The following DOCK7 variants were observed in gnomAD, a reference collection of about 807,000 sequenced individuals.
DOCK7 encodes the protein dedicator of cytokinesis 7, also known as dedicator of cytokinesis protein 7.
Under a neutral mutation model 271.0 loss-of-function variants are expected in DOCK7, and 138 were observed. The observed-to-expected ratio is 0.51, with a 90% CI of 0.44 to 0.59. The LOEUF (loss-of-function observed/expected upper bound fraction) is 0.59, where lower values mean the gene tolerates loss of function less well. DOCK7 is among the 20% of genes least tolerant of loss of function. The probability of loss-of-function intolerance (pLI) is 0.00; values close to 1 mark genes in which losing one functional copy is unlikely to be tolerated. For synonymous variants in DOCK7, 823 were observed against 876.1 expected (o/e 0.94, Z 1.07); for missense variants, 2,066 against 2,592.4 (o/e 0.80, Z 4.41).
At chr1:62,457,987 C>CA (rs929853398) in intron 48 of DOCK7, 2 of 263,744 alleles carry the variant, frequency 7.6e-6, no homozygotes, top group African/African-American at 4.4e-5. Context: ...CTCGTCTCTA[C>CA]AAAAAAATGC....
chr1:62,536,894 T>A (rs1017324578), intron 28 of DOCK7, among the ~76,000 whole-genome samples: 3 of 152,186 alleles, frequency 2.0e-5, no homozygotes, highest in Non-Finnish European at 2.9e-5. Context: ...AATCTCTTCA[T>A]CTCAATTTAT....
rs762041572 is a variant in DOCK7 at position 62,476,190 on chromosome 1, G to A, written c.5635-34C>T. On this transcript the variant is annotated intron_variant, in intron 44 of 49. Coordinates refer to ENST00000635253, the MANE Select transcript of DOCK7 (RefSeq NM_001367561.1). ...AAGAAAAAGAAACATTTTATATGAA[G>A]TTAAAAAGACTGCGAAATAGAGAAG... is the stretch of plus-strand genomic sequence containing the variant. 26 of 1,580,922 alleles carry A rather than the reference G, an allele frequency of 1.6e-5. No individual in the cohort carries two copies. In the African/African-American group the frequency reaches 3.4e-4, roughly 21 times the overall value.
chr1:62,589,620 C>T (rs1297541401), intron 14 of DOCK7, among the ~76,000 whole-genome samples: 1 of 150,784 alleles, frequency 6.6e-6, no homozygotes, highest in East Asian at 1.9e-4. Context: ...GGGAGAAATG[C>T]TTCCAACAAA....
chr1:62,487,728 A>G (rs998781626), intron 42 of DOCK7: 3 of 226,928 alleles, frequency 1.3e-5, no homozygotes, highest in African/African-American at 6.8e-5. Context: ...CCAAGTATCC[A>G]GGATAAATTA....
intron 31 of DOCK7, among the ~76,000 whole-genome samples, chr1:62,520,737 G>T (rs1449814515): frequency 6.6e-6 from 1 of 152,120 alleles, no homozygotes; most frequent in African/African-American, 2.4e-5. Flanking sequence ...ATTTGACCCA[G>T]CAATTCCATT....
At chr1:62,654,852 T>C (rs1342700608) in intron 2 of DOCK7, among the ~76,000 whole-genome samples, 1 of 151,776 alleles carries the variant, frequency 6.6e-6, no homozygotes, top group Non-Finnish European at 1.5e-5. Flanking sequence ...AAGAGAGAGA[T>C]TTGAATATCC....
chr1:62,457,803 TTAA>T, intron 48 of DOCK7, 98 bp from the exon 49 acceptor site: 1 of 1,136,702 alleles, frequency 8.8e-7, no homozygotes, highest in Non-Finnish European at 1.3e-6. Context: ...ATATGTGGGC[TTAA>T]TGACACACAA....
In DOCK7 at chr1:62,495,621, G is replaced by A. The variant is rs1396920575; in HGVS notation, c.4984C>T (p.His1662Tyr). 6.3e-7 allele frequency: 1 copy of A among 1,589,602 alleles called. No homozygotes were observed. Residue 1662 changes from histidine (H) to tyrosine (Y), a missense_variant, in exon 39 of 50, where the codon CAC becomes TAC. Physicochemically the swap from His to Tyr is moderately conservative, Grantham distance 83 (BLOSUM62 2). Coordinates refer to ENST00000635253, the MANE Select transcript of DOCK7 (RefSeq NM_001367561.1). ...ILSDTVKMKE[H>Y]QEDPEMLIDL... is the part of the protein sequence containing the mutation. Reference sequence around the variant, plus strand: ...ATCAACATTTCAGGATCCTCCTGGTGTTCCTTCATTTTCACAGTATCAGAA... The same window carrying A: ...ATCAACATTTCAGGATCCTCCTGGTATTCCTTCATTTTCACAGTATCAGAA...
intron 26 of DOCK7, 42 bp from the exon 27 acceptor site, chr1:62,539,700 T>C (rs1013952160): frequency 6.2e-7 from 1 of 1,610,502 alleles, no homozygotes; most frequent in Admixed American, 1.7e-5. Context: ...TAAAGTATGA[T>C]AGCTTAATCT....
chr1:62,687,425 G>T (rs1282449635), intron 1 of DOCK7, among the ~76,000 whole-genome samples: 1 of 152,180 alleles, frequency 6.6e-6, no homozygotes, highest in Non-Finnish European at 1.5e-5. Flanking sequence ...CTTCAAGACT[G>T]CTAACATATA....
Position 62,455,117 on chromosome 1 carries a change from G to A in DOCK7, c.*297C>T, listed in dbSNP as rs150100104. On this transcript the variant is annotated 3_prime_UTR_variant, in exon 50 of 50. Transcript: ENST00000635253. ...AATGGTAATATAAATTAAAAAATACGAACTTAAAGTGAATAAATTTTTAAC... is the reference window on the plus strand; with the variant it reads ...AATGGTAATATAAATTAAAAAATACAAACTTAAAGTGAATAAATTTTTAAC... The A allele has an allele frequency of 1.1e-4, 57 of 502,652 alleles. No homozygotes were observed. The highest frequency in any genetic ancestry group is 4.6e-4 in the Admixed American group (12 of 26,084). The allele number at this position is 502,652 out of a possible 1,614,324, so 31.1% of individuals were successfully genotyped here. A position where few individuals can be genotyped will look rare whatever the true frequency, so the allele number is the denominator to read the frequency against.
chr1:62,524,892 G>A (rs1344764443), intron 31 of DOCK7, among the ~76,000 whole-genome samples: 1 of 132,486 alleles, frequency 7.5e-6, no homozygotes, highest in East Asian at 2.1e-4. Flanking sequence ...ACAGTGCAGG[G>A]CTCCGTCTCA....
chr1:62,672,786 G>C (rs1409779864), intron 1 of DOCK7, among the ~76,000 whole-genome samples: 7 of 152,064 alleles, frequency 4.6e-5, no homozygotes, highest in Non-Finnish European at 1.5e-5. Flanking sequence ...TTTATGAAAG[G>C]TAGAGGCAGG....
intron 37 of DOCK7, among the ~76,000 whole-genome samples, chr1:62,501,163 C>G (rs1646772396): frequency 6.6e-6 from 1 of 152,132 alleles, no homozygotes; most frequent in South Asian, 2.1e-4. Flanking sequence ...GACTGGGCAA[C>G]AAAGTGAGTT....
At chr1:62,687,134 C>A (rs1661874707) in intron 1 of DOCK7, among the ~76,000 whole-genome samples, 1 of 152,154 alleles carries the variant, frequency 6.6e-6, no homozygotes, top group Non-Finnish European at 1.5e-5. Flanking sequence ...CACAGAACTA[C>A]AACTGCCCCA....
rs1455797234 is a variant in DOCK7, at chr1:62,488,993, T to C, written c.5434A>G (p.Lys1812Glu). The C allele has an allele frequency of 2.5e-6, 4 of 1,613,514 alleles. No individual in the cohort carries two copies. In the East Asian group the frequency reaches 6.7e-5, roughly 27 times the overall value. ...TTACCATGAATTGTGGATAGTTTCT[T>C]TGCATCCCGATTAGCTTCATGAATA... ...IPIHEANRDA[K>E]KLSTIHGKLQ... The change falls in exon 42 of 50, where the codon AAG becomes GAG. Residue 1812 changes from lysine (K) to glutamate (E), a missense_variant. Transcript: ENST00000635253.
In DOCK7 at chr1:62,586,642, T is replaced by C. The variant is rs558963888; in HGVS notation, c.1683-18A>G. Reference sequence around the variant, plus strand: ...GAAGATTTCTGTGAAAGCAACAGTATAGATGATAGTAAATACATATCTAAG... The same window carrying C: ...GAAGATTTCTGTGAAAGCAACAGTACAGATGATAGTAAATACATATCTAAG... On this transcript the variant is annotated intron_variant, in intron 14 of 49. Transcript: ENST00000635253. 6.2e-6 allele frequency: 9 copies of C among 1,452,840 alleles called. No individual in the cohort carries two copies. Among genetic ancestry groups the C allele is most frequent in the African/African-American group, 2.8e-5 (2 of 71,016 alleles). 90.0% of individuals were successfully genotyped at this position (1,452,840 alleles called of 1,614,324 possible).
At chr1:62,628,194 A>G (rs1014424116) in intron 11 of DOCK7, 10 of 152,288 alleles carry the variant, frequency 6.6e-5, no homozygotes, top group Non-Finnish European at 1.3e-4. Flanking sequence ...TGCTCCTACC[A>G]GAATCTAATG....
Position 62,504,084 on chromosome 1 carries a change from G to A in DOCK7, c.4764+546C>T, listed in dbSNP as rs187211485. Among the ~76,000 whole-genome samples, 531 of 151,388 alleles carry A rather than the reference G, an allele frequency of 3.5e-3. 6 individuals are homozygous for A. Among genetic ancestry groups the A allele is most frequent in the African/African-American group, 0.012 (511 of 41,310 alleles). ...AAAATAAGGCTAGTCAACTCTTTGGGTTAAAAAGAAAACACAAACTGAAAT... is the reference window on the plus strand; with the variant it reads ...AAAATAAGGCTAGTCAACTCTTTGGATTAAAAAGAAAACACAAACTGAAAT... On this transcript the variant is annotated intron_variant, in intron 37 of 49. Coordinates refer to ENST00000635253, the MANE Select transcript of DOCK7 (RefSeq NM_001367561.1).
Sources: gnomAD v4.1 joint callset for allele counts (sites outside exome capture counted in the v4.1 genomes callset) on GRCh38, gnomAD v4.1.1 for gene constraint, MANE v1.5 for transcripts, NCBI Gene and HGNC (gene_info 2026-07-23, HGNC 2026-07-21) for gene names.